The following GPR155 variants were observed in gnomAD, a reference collection of about 807,000 sequenced individuals.
The protein encoded by GPR155 is G protein-coupled receptor 155.
A neutral mutation model predicts 93.1 loss-of-function variants in GPR155; 65 were observed. The ratio of observed to expected loss-of-function variants is 0.70; its 90% CI spans 0.57 to 0.86. The LOEUF is 0.86. Ranked by LOEUF, GPR155 falls within the 40% of genes least tolerant of loss-of-function variation. GPR155 has a pLI of 0.00. For synonymous variants in GPR155, 319 were observed against 360.1 expected (o/e 0.89, Z 1.29); for missense variants, 838 against 1,034.8 (o/e 0.81, Z 2.61).
At position 174,437,577 on chromosome 2, in the gene GPR155, C is replaced by CT. The variant is rs397871619; in HGVS notation, c.2313-1162dup. The stretch of plus-strand genomic sequence containing the variant: ...GATTTTTTTATTTATGGCCTAACAC[C>CT]TTTTTTTTTTTTTTTTTTTTTTGAG... On this transcript the variant is annotated intron_variant, in intron 15 of 15. Transcript: ENST00000392552. Among the ~76,000 whole-genome samples, 625 of 107,902 alleles carry CT rather than the reference C, an allele frequency of 5.8e-3. 3 individuals are homozygous for CT. The highest frequency in any genetic ancestry group is 6.9e-3 in the African/African-American group (180 of 26,208). 70.8% of individuals were successfully genotyped at this position (107,902 alleles called of 152,430 possible).
chr2:174,460,990 A>G (rs947256371), intron 9 of GPR155, among the ~76,000 whole-genome samples: 1 of 152,172 alleles, frequency 6.6e-6, no homozygotes, highest in African/African-American at 2.4e-5. Flanking sequence ...CAGGTCCCAC[A>G]AGCCACCTAC....
At chr2:174,457,759 C>CT (rs957374370) in intron 10 of GPR155, among the ~76,000 whole-genome samples, 171 of 151,268 alleles carry the variant, frequency 1.1e-3, no homozygotes, top group African/African-American at 3.9e-3. Context: ...CAGGCCTTGA[C>CT]TTTTTTTTTA....
chr2:174,473,402 C>T, intron 2 of GPR155, 38 bp from the exon 3 acceptor site: 1 of 1,268,936 alleles, frequency 7.9e-7, no homozygotes, highest in Non-Finnish European at 1.1e-6. Flanking sequence ...ATGATGACCA[C>T]AGAAATACAG....
intron 2 of GPR155, among the ~76,000 whole-genome samples, chr2:174,474,163 A>G (rs936336437): frequency 1.3e-5 from 2 of 152,214 alleles, no homozygotes; most frequent in Non-Finnish European, 2.9e-5. Flanking sequence ...GTCAGCAGGT[A>G]ACAGCAGAGA....
intron 7 of GPR155, among the ~76,000 whole-genome samples, chr2:174,464,632 A>G (rs996425960): frequency 7.3e-5 from 11 of 151,320 alleles, no homozygotes; most frequent in African/African-American, 2.7e-4. Context: ...TAATTGATTG[A>G]TCTAGTTGCT....
At chr2:174,451,452 T>G (rs1270905421) in intron 11 of GPR155, among the ~76,000 whole-genome samples, 1 of 152,112 alleles carries the variant, frequency 6.6e-6, no homozygotes, top group African/African-American at 2.4e-5. Context: ...TGCCAAGGGG[T>G]AGAGAATAAA....
intron 1 of GPR155, among the ~76,000 whole-genome samples, chr2:174,486,582 G>A (rs963069368): frequency 6.6e-6 from 1 of 152,206 alleles, no homozygotes; most frequent in Non-Finnish European, 1.5e-5. Flanking sequence ...AGAAAGACAG[G>A]GTGGACGCCC....
At chr2:174,462,119 G>A (rs188365821) in intron 7 of GPR155, among the ~76,000 whole-genome samples, 1 of 151,654 alleles carries the variant, frequency 6.6e-6, no homozygotes, top group Non-Finnish European at 1.5e-5. Flanking sequence ...ATTTTTTTTT[G>A]TAGAGACAGA....
chr2:174,474,762 G>A (rs1174263914), intron 2 of GPR155, among the ~76,000 whole-genome samples: 1 of 152,100 alleles, frequency 6.6e-6, no homozygotes, highest in Non-Finnish European at 1.5e-5. Context: ...AGTGGGATCA[G>A]ACTTCTAGCA....
At position 174,468,918 on chromosome 2, in the gene GPR155, G is replaced by C; in HGVS notation, c.1176C>G (p.Ile392Met). 1 of 1,613,526 alleles carries C rather than the reference G, an allele frequency of 6.2e-7. No individual in the cohort carries two copies. Residue 392 changes from isoleucine to methionine, a missense_variant, in exon 5 of 16, where the codon ATC (isoleucine) becomes ATG (methionine). This residue lies in a region of GPR155 where 663 missense variants were observed against 790.1 expected (regional missense o/e 0.84). Transcript: ENST00000392552. ...TGGGATGCAACGTACTTACCAAGGA[G>C]ATCAGGCTGACAATACTTATATCAA... ...VSFDISIVSL[I>M]SLIWSLAILL...
intron 10 of GPR155, among the ~76,000 whole-genome samples, chr2:174,458,880 G>T (rs149664709): frequency 6.6e-6 from 1 of 151,964 alleles, no homozygotes; most frequent in Non-Finnish European, 1.5e-5. Flanking sequence ...CTGAGGTCAG[G>T]AGTTCTAGAC....
Position 174,486,866 on chromosome 2 carries a change from C to A in GPR155, c.-32+7G>T, listed in dbSNP as rs898625970. On this transcript the variant is annotated splice_region_variant and intron_variant, in intron 1 of 15. Coordinates refer to ENST00000392552, the MANE Select transcript of GPR155 (RefSeq NM_152529.7). ...CAGCAGGTCCGCGCTCCAGGGGCCC[C>A]TCTCACCTGCTTCGTCTGCAACCTT... 1 of 152,702 alleles carries A rather than the reference C, an allele frequency of 6.5e-6. No homozygotes were observed. The allele number at this position is 152,702 out of a possible 1,614,324, so 9.5% of individuals were successfully genotyped here.
rs777061008 is a variant in GPR155 at position 174,436,255 on chromosome 2, C to T, written c.2474G>A (p.Arg825Gln). 23 of 1,613,974 alleles carry T rather than the reference C, an allele frequency of 1.4e-5. No individual in the cohort carries two copies. The highest frequency in any genetic ancestry group is 1.6e-4 in the Middle Eastern group (1 of 6,084). Residue 825 changes from arginine (R) to glutamine (Q), a missense_variant, in exon 16 of 16, where the codon CGG becomes CAG. Coordinates refer to ENST00000392552, the MANE Select transcript of GPR155 (RefSeq NM_152529.7). ...AAATCTGTAAAACAAGTACTCATCC[C>T]GGAATTCATACTCGTTGGTAATATG... ...IQHITNEYEFRDEYLFYRFLQ... is the reference protein window; with the variant it reads ...IQHITNEYEFQDEYLFYRFLQ...
intron 11 of GPR155, among the ~76,000 whole-genome samples, chr2:174,448,774 T>C (rs1312527977): frequency 6.6e-6 from 1 of 151,706 alleles, no homozygotes; most frequent in African/African-American, 2.4e-5. Flanking sequence ...CCTGACCTCA[T>C]GATCCACCCG....
intron 2 of GPR155, among the ~76,000 whole-genome samples, chr2:174,474,384 C>T (rs914806135): frequency 1.3e-5 from 2 of 152,072 alleles, no homozygotes; most frequent in Non-Finnish European, 2.9e-5. Context: ...AGTGGAGATA[C>T]TTAAGGAGTA....
rs1363442557 is a variant in GPR155, at chr2:174,454,817, GGAAAGGAAGGAAAA to G, written c.1772-990_1772-977del. ...AGGGAAGGAAGGGAAGGGAAGGAAG[GGAAAGGAAGGAAAA>G]GAAAGGAAGGAAAAGGAAGGAAGGG... On this transcript the variant is annotated intron_variant, in intron 10 of 15. Transcript: ENST00000392552. Among the ~76,000 whole-genome samples the G allele has an allele frequency of 9.5e-4, 143 of 150,266 alleles. 1 individual carries two copies. Among genetic ancestry groups the G allele is most frequent in the African/African-American group, 3.2e-3 (129 of 40,906 alleles).
At chr2:174,437,092 T>A (rs1013549679) in intron 15 of GPR155, among the ~76,000 whole-genome samples, 3 of 152,232 alleles carry the variant, frequency 2.0e-5, no homozygotes, top group African/African-American at 7.2e-5. Context: ...TTTAAAAATC[T>A]ATCTTCCTGA....
intron 7 of GPR155, 135 bp downstream of exon 7, chr2:174,465,650 G>A: frequency 1.9e-6 from 1 of 530,820 alleles, no homozygotes; most frequent in Non-Finnish European, 3.5e-6. Context: ...GGCCTCTGTG[G>A]GTGGGCTGAT....
In GPR155 at chr2:174,434,520, T is replaced by C. The variant is rs1686718629; in HGVS notation, c.*1596A>G. On this transcript the variant is annotated 3_prime_UTR_variant, in exon 16 of 16. Transcript: ENST00000392552. ...ATAATAATACATATGGAGGTTCTTA[T>C]TCCTTTCCTTAATGGCATAGATTAG... is the stretch of plus-strand genomic sequence containing the variant. 1 of 152,090 alleles carries C rather than the reference T, an allele frequency of 6.6e-6. No individual in the cohort carries two copies. Among genetic ancestry groups the C allele is most frequent in the African/African-American group, 2.4e-5 (1 of 41,414 alleles). The allele number at this position is 152,090 out of a possible 1,614,324, so 9.4% of individuals were successfully genotyped here. A position where few individuals can be genotyped will look rare whatever the true frequency, so the allele number is the denominator to read the frequency against.
Sources: gnomAD v4.1 joint callset for allele counts (sites outside exome capture counted in the v4.1 genomes callset) on GRCh38, gnomAD v4.1.1 for gene constraint, gnomAD v4.1.1 regional missense constraint, MANE v1.5 for transcripts, NCBI Gene and HGNC (gene_info 2026-07-23, HGNC 2026-07-21) for gene names.